ZDHHC13: variants seen among roughly 807,000 people sequenced by gnomAD.
ZDHHC13 encodes the protein palmitoyltransferase ZDHHC13.
Under a neutral mutation model 86.0 loss-of-function variants are expected in ZDHHC13, and 85 were observed. The observed-to-expected ratio is 0.99, with a 90% CI of 0.83 to 1.18. The LOEUF is 1.18. Among genes scored for constraint, ZDHHC13 ranks in the 50% most tolerant of loss-of-function variants. The pLI is 0.00. For synonymous variants in ZDHHC13, 263 were observed against 246.4 expected, an observed-to-expected ratio of 1.07 and a Z score of -0.63; for missense variants, 711 against 730.2, an observed-to-expected ratio of 0.97 and a Z score of 0.30.
At chr11:19,163,549 C>G (rs886253626) in intron 11 of ZDHHC13, 122 bp downstream of exon 11, 104 of 1,029,970 alleles carry the variant, frequency 1.0e-4, no homozygotes, top group Non-Finnish European at 1.3e-4. Context: ...GGTGATATAG[C>G]AAAAATTAGA....
intron 10 of ZDHHC13, among the ~76,000 whole-genome samples, chr11:19,161,650 C>A (rs572494052): frequency 4.0e-5 from 6 of 150,104 alleles, no homozygotes; most frequent in African/African-American, 1.3e-4. Context: ...AATTCAAACT[C>A]AGGAGAGAAA....
At chr11:19,126,475 T>C (rs1405843533) in intron 1 of ZDHHC13, among the ~76,000 whole-genome samples, 1 of 149,652 alleles carries the variant, frequency 6.7e-6, no homozygotes, top group Non-Finnish European at 1.5e-5. Flanking sequence ...TAACTGGAAC[T>C]ATAGGCACAT....
intron 1 of ZDHHC13, among the ~76,000 whole-genome samples, chr11:19,120,503 C>G (rs1340275681): frequency 6.6e-6 from 1 of 152,298 alleles, no homozygotes; most frequent in Non-Finnish European, 1.5e-5. Flanking sequence ...ACTGGCACAG[C>G]ATCACTTCTG....
chr11:19,165,386 A>G (rs1850034402), intron 13 of ZDHHC13, among the ~76,000 whole-genome samples: 1 of 152,186 alleles, frequency 6.6e-6, no homozygotes, highest in Non-Finnish European at 1.5e-5. Context: ...TATTACTTGT[A>G]AAAACGCTAG....
In ZDHHC13 at chr11:19,146,344, T is replaced by C. The variant is rs759252221; in HGVS notation, c.296+41T>C. On this transcript the variant is annotated intron_variant, in intron 3 of 16. Coordinates refer to ENST00000446113, the MANE Select transcript of ZDHHC13 (RefSeq NM_019028.3). The stretch of plus-strand genomic sequence containing the variant: ...TGTGTTAATTGTGTATTTATAATTT[T>C]AGACCTCTCCTTCATTTATCTTTTT... The C allele has an allele frequency of 4.0e-4, 635 of 1,587,400 alleles. 2 individuals are homozygous for C. The highest frequency in any genetic ancestry group is 1.7e-4 in the Middle Eastern group (1 of 5,968).
rs200879520 is a variant in ZDHHC13, at chr11:19,146,318, G to C, written c.296+15G>C. On this transcript the variant is annotated intron_variant, in intron 3 of 16. Coordinates refer to ENST00000446113, the MANE Select transcript of ZDHHC13 (RefSeq NM_019028.3). The stretch of plus-strand genomic sequence containing the variant: ...GATCTTGTAAAGTAAGATGGGATAT[G>C]TGTGTTAATTGTGTATTTATAATTT... The C allele has an allele frequency of 1.2e-6, 2 of 1,606,558 alleles. No individual in the cohort carries two copies. The highest frequency in any genetic ancestry group is 3.4e-5 in the Admixed American group (2 of 58,280).
chr11:19,155,629 CA>C (rs1849736351), intron 8 of ZDHHC13, among the ~76,000 whole-genome samples, 166 bp from the exon 9 acceptor site: 1 of 150,242 alleles, frequency 6.7e-6, no homozygotes, highest in East Asian at 2.0e-4. Flanking sequence ...TACAATCTCT[CA>C]AACCTCAAAT....
At chr11:19,121,339 A>G (rs919473472) in intron 1 of ZDHHC13, among the ~76,000 whole-genome samples, 4 of 151,992 alleles carry the variant, frequency 2.6e-5, no homozygotes, top group African/African-American at 9.7e-5. Flanking sequence ...TCTGTATTTT[A>G]CTCTGCTCTG....
rs1257460646 is a variant in ZDHHC13, at chr11:19,166,372, T to C, written c.1461T>C (p.Tyr487=). 1 of 1,611,964 alleles carries C rather than the reference T, an allele frequency of 6.2e-7. No individual in the cohort carries two copies. Among genetic ancestry groups the C allele is most frequent in the Non-Finnish European group, 8.5e-7 (1 of 1,179,098 alleles). Residue 487 remains tyrosine (Y), a synonymous_variant, in exon 14 of 17, where the codon TAT becomes TAC. Transcript: ENST00000446113. ...FLSMVCGWII[Y]GSFIYLSSHC... ...CCATGGTATGTGGCTGGATTATATA[T>C]GGATCTTTCATCTGTAAGTGTAAAT...
At chr11:19,146,656 C>T (rs1170832405) in intron 3 of ZDHHC13, among the ~76,000 whole-genome samples, 2 of 152,024 alleles carry the variant, frequency 1.3e-5, no homozygotes, top group African/African-American at 2.4e-5. Flanking sequence ...CATTTTAATA[C>T]CACGAAGAAT....
intron 1 of ZDHHC13, among the ~76,000 whole-genome samples, chr11:19,137,766 A>G (rs1849185495): frequency 1.3e-5 from 2 of 152,264 alleles, no homozygotes; most frequent in Admixed American, 6.5e-5. Context: ...CTCACTCAAA[A>G]CCGCTCAACT....
intron 1 of ZDHHC13, among the ~76,000 whole-genome samples, chr11:19,123,741 A>G (rs11025028): frequency 0.59 from 89,772 of 152,016 alleles, 28,056 homozygotes; most frequent in Admixed American, 0.69. Context: ...TGAAAAGGCA[A>G]TCCACAAAAG....
chr11:19,173,251 T>C (rs1044981095), intron 16 of ZDHHC13, among the ~76,000 whole-genome samples: 1 of 152,216 alleles, frequency 6.6e-6, no homozygotes, highest in African/African-American at 2.4e-5. Context: ...CACTAATTCT[T>C]CTAGCCCTAT....
intron 12 of ZDHHC13, 58 bp downstream of exon 12, chr11:19,164,421 T>C: frequency 6.6e-7 from 1 of 1,510,384 alleles, no homozygotes. Context: ...GTAACGTTGC[T>C]GATGTAAGCA....
rs147553912 is a variant in ZDHHC13 at position 19,162,319 on chromosome 11, G to A, written c.1109-984G>A. Among the ~76,000 whole-genome samples the A allele has an allele frequency of 1.9e-3, 289 of 152,254 alleles. 2 individuals carry two copies. The highest frequency in any genetic ancestry group is 6.5e-3 in the African/African-American group (272 of 41,550). Reference sequence around the variant, plus strand: ...TATTGAGAGACTTAACTGCAAAAGTGTTACCAGCTTACTGGGAAGGCTGTG... The same window carrying A: ...TATTGAGAGACTTAACTGCAAAAGTATTACCAGCTTACTGGGAAGGCTGTG... On this transcript the variant is annotated intron_variant, in intron 10 of 16. Coordinates refer to ENST00000446113, the MANE Select transcript of ZDHHC13 (RefSeq NM_019028.3).
chr11:19,161,453 A>G lies in ZDHHC13; in HGVS notation c.1109-1850A>G, dbSNP rs547069257. 3.9e-5 allele frequency among the ~76,000 whole-genome samples: 6 copies of G among 152,066 alleles called. No individual in the cohort carries two copies. In the South Asian group the frequency reaches 6.2e-4, roughly 16 times the overall value. ...TATACCTAATATTTTATTATTAATT[A>G]TTCTTATGAATAAAATTGATGTGGA... On this transcript the variant is annotated intron_variant, in intron 10 of 16. Coordinates refer to ENST00000446113, the MANE Select transcript of ZDHHC13 (RefSeq NM_019028.3).
chr11:19,164,627 T>C, intron 12 of ZDHHC13: 1 of 486,954 alleles, frequency 2.1e-6, no homozygotes, highest in Non-Finnish European at 3.7e-6. Flanking sequence ...ATGAAGCATA[T>C]ATTAGAACTA....
At position 19,149,875 on chromosome 11, in the gene ZDHHC13, A is replaced by G. The variant is rs571313695; in HGVS notation, c.519+544A>G. ...TTTCTGGTAGCAAAGTAGTTTATGT[A>G]TTAGCAGACTTGCCTGTAAAAGGCA... On this transcript the variant is annotated intron_variant, in intron 5 of 16. Transcript: ENST00000446113. Among the ~76,000 whole-genome samples, 7 of 152,366 alleles carry G rather than the reference A, an allele frequency of 4.6e-5. No homozygotes were observed. In the East Asian group the frequency reaches 1.2e-3, roughly 25 times the overall value.
intron 3 of ZDHHC13, 87 bp downstream of exon 3, chr11:19,146,390 C>G: frequency 7.0e-7 from 1 of 1,438,566 alleles, no homozygotes; most frequent in Admixed American, 2.7e-5. Context: ...GGGTATTGAA[C>G]CATGTGTAAT....
Sources: gnomAD v4.1 joint callset for allele counts (sites outside exome capture counted in the v4.1 genomes callset) on GRCh38, gnomAD v4.1.1 for gene constraint, MANE v1.5 for transcripts, NCBI Gene and HGNC (gene_info 2026-07-23, HGNC 2026-07-21) for gene names.